ADGRL2: variants seen among roughly 807,000 people sequenced by gnomAD.
ADGRL2 encodes the protein adhesion G protein-coupled receptor L2.
In ADGRL2, 44 loss-of-function variants were observed where a neutral mutation model predicts 157.4. The observed-to-expected ratio is 0.28, with a 90% CI of 0.22 to 0.36. The LOEUF (loss-of-function observed/expected upper bound fraction) is 0.36, where lower values mean the gene tolerates loss of function less well. Among genes scored for constraint, ADGRL2 ranks in the 10% least tolerant of loss-of-function variants. The pLI, the probability that ADGRL2 is intolerant of heterozygous loss-of-function variation, is 1.00. For missense variants in ADGRL2, 1,510 were observed against 1,768.9 expected (o/e 0.85, Z 2.63); for synonymous variants, 585 against 624.7 (o/e 0.94, Z 0.95).
chr1:81,760,934 T>C (rs2085860548), intron 1 of ADGRL2, among the ~76,000 whole-genome samples: 1 of 151,922 alleles, frequency 6.6e-6, no homozygotes, highest in African/African-American at 2.4e-5. Context: ...ACTATTGTCA[T>C]AGGGAGAATT....
intron 3 of ADGRL2, among the ~76,000 whole-genome samples, chr1:81,631,515 A>G (rs1329734629): frequency 6.6e-6 from 1 of 152,098 alleles, no homozygotes; most frequent in South Asian, 2.1e-4. Context: ...CCAGGAGACC[A>G]CACTTTGAAC....
chr1:81,446,984 T>G (rs1270593844), intron 2 of ADGRL2, among the ~76,000 whole-genome samples: 1 of 152,176 alleles, frequency 6.6e-6, no homozygotes, highest in Non-Finnish European at 1.5e-5. Flanking sequence ...CTTAAAAAAC[T>G]ATTAATTAAA....
chr1:81,410,355 TCA>T (rs1424027841), intron 1 of ADGRL2, among the ~76,000 whole-genome samples: 1 of 152,256 alleles, frequency 6.6e-6, no homozygotes, highest in Non-Finnish European at 1.5e-5. Context: ...TGTCCTTCTT[TCA>T]AAATGCTTAT....
At chr1:81,771,954 A>G (rs774161244) in intron 2 of ADGRL2, among the ~76,000 whole-genome samples, 2 of 152,170 alleles carry the variant, frequency 1.3e-5, no homozygotes, top group Non-Finnish European at 2.9e-5. Flanking sequence ...TATATTTTAA[A>G]ACATTTTATC....
At chr1:81,426,663 C>T (rs370563459) in intron 1 of ADGRL2, 54 of 466,640 alleles carry the variant, frequency 1.2e-4, no homozygotes, top group Middle Eastern at 8.0e-4. Flanking sequence ...ATGAGACACC[C>T]CCAAAGAAAA....
intron 3 of ADGRL2, among the ~76,000 whole-genome samples, chr1:81,637,528 C>G (rs1456202654): frequency 6.6e-6 from 1 of 152,082 alleles, no homozygotes; most frequent in Non-Finnish European, 1.5e-5. Context: ...TTCTAGATTT[C>G]TAGATGTTCT....
intron 2 of ADGRL2, among the ~76,000 whole-genome samples, chr1:81,547,612 T>C (rs912461457): frequency 2.0e-5 from 3 of 152,236 alleles, no homozygotes; most frequent in Non-Finnish European, 4.4e-5. Context: ...TCTCAATAGT[T>C]AAAGAAGAAA....
At chr1:81,854,939 A>G (rs1051567914) in intron 2 of ADGRL2, among the ~76,000 whole-genome samples, 6 of 152,182 alleles carry the variant, frequency 3.9e-5, no homozygotes, top group Admixed American at 6.5e-5. Flanking sequence ...GAATTTGATC[A>G]TGTAGGTGAG....
chr1:81,444,753 C>A (rs1390022342), intron 1 of ADGRL2, among the ~76,000 whole-genome samples: 1 of 152,192 alleles, frequency 6.6e-6, no homozygotes. Context: ...GCCTGCTCCT[C>A]CCCTCTGGGT....
chr1:81,345,609 T>G (rs2100796079), intron 1 of ADGRL2, among the ~76,000 whole-genome samples: 1 of 152,300 alleles, frequency 6.6e-6, no homozygotes, highest in East Asian at 1.9e-4. Flanking sequence ...TTGTAAATAT[T>G]AATGCAACAG....
intron 2 of ADGRL2, among the ~76,000 whole-genome samples, chr1:81,445,578 T>A (rs1222646686): frequency 6.6e-6 from 1 of 152,236 alleles, no homozygotes; most frequent in East Asian, 1.9e-4. Context: ...GACGGCCTCA[T>A]ATTTCTGTTT....
intron 2 of ADGRL2, among the ~76,000 whole-genome samples, chr1:81,499,604 A>C (rs2078800589): frequency 6.6e-6 from 1 of 152,256 alleles, no homozygotes; most frequent in South Asian, 2.1e-4. Context: ...AGAACCCCAC[A>C]GGCAGGAAGC....
chr1:81,877,763 A>G (rs1451161497), intron 2 of ADGRL2, among the ~76,000 whole-genome samples: 1 of 152,054 alleles, frequency 6.6e-6, no homozygotes, highest in Non-Finnish European at 1.5e-5. Context: ...AGACCTTAAA[A>G]GAAATCTAGC....
At chr1:81,323,869 G>T (rs1660702049) in intron 1 of ADGRL2, among the ~76,000 whole-genome samples, 1 of 152,138 alleles carries the variant, frequency 6.6e-6, no homozygotes, top group Non-Finnish European at 1.5e-5. Context: ...TGGTAAAATT[G>T]AGGACAAAGA....
chr1:81,426,308 A>G (rs1426069846), intron 1 of ADGRL2: 2 of 237,230 alleles, frequency 8.4e-6, no homozygotes, highest in African/African-American at 4.7e-5. Context: ...GGTGGGTCAG[A>G]CAACTTCCCT....
At chr1:81,397,430 C>T (rs2076676135) in intron 1 of ADGRL2, among the ~76,000 whole-genome samples, 1 of 149,078 alleles carries the variant, frequency 6.7e-6, no homozygotes, top group African/African-American at 2.5e-5. Flanking sequence ...CGCCATTCTC[C>T]TGCCTCAGCC....
chr1:81,942,335 C>T (rs990235713), intron 5 of ADGRL2, among the ~76,000 whole-genome samples: 1 of 151,810 alleles, frequency 6.6e-6, no homozygotes, highest in Non-Finnish European at 1.5e-5. Flanking sequence ...ATTAAAGTGT[C>T]ATCTTGCCTG....
At chr1:81,447,859 G>T (rs2077627412) in intron 2 of ADGRL2, among the ~76,000 whole-genome samples, 1 of 152,038 alleles carries the variant, frequency 6.6e-6, no homozygotes, top group Non-Finnish European at 1.5e-5. Flanking sequence ...GAAGTGATCT[G>T]ATCATGGGGG....
At chr1:81,893,138 G>C (rs560545030) in intron 2 of ADGRL2, among the ~76,000 whole-genome samples, 1 of 152,220 alleles carries the variant, frequency 6.6e-6, no homozygotes, top group African/African-American at 2.4e-5. Context: ...TAGGCACAGT[G>C]CATACTGGCA....
Sources: gnomAD v4.1 joint callset for allele counts (sites outside exome capture counted in the v4.1 genomes callset) on GRCh38, gnomAD v4.1.1 for gene constraint, MANE v1.5 for transcripts, NCBI Gene and HGNC (gene_info 2026-07-23, HGNC 2026-07-21) for gene names.